Variants in DENND4A observed in about 807,000 individuals in gnomAD.
The protein encoded by DENND4A is DENN domain containing 4A, also known as C-myc promoter-binding protein.
A neutral mutation model predicts 199.3 loss-of-function variants in DENND4A; 70 were observed. That is an observed-to-expected ratio of 0.35 (90% confidence interval 0.29 to 0.43). The LOEUF is 0.43. Ranked by LOEUF, DENND4A falls within the 20% of genes least tolerant of loss-of-function variation. DENND4A has a pLI of 1.00. For missense variants in DENND4A, 1,723 were observed against 2,255.8 expected (o/e 0.76, Z 4.78); for synonymous variants, 686 against 766.9 (o/e 0.89, Z 1.74).
chr15:65,697,460 T>C (rs1054855426), intron 20 of DENND4A, 77 bp from the exon 21 acceptor site: 1 of 852,814 alleles, frequency 1.2e-6, no homozygotes, highest in Middle Eastern at 2.3e-4. Flanking sequence ...AGCAACATAC[T>C]AGTGTTTGGA....
intron 24 of DENND4A, among the ~76,000 whole-genome samples, chr15:65,676,141 A>AAT (rs57613461): frequency 0.061 from 6,761 of 110,298 alleles, 390 homozygotes; most frequent in African/African-American, 0.14. Flanking sequence ...AATAAGGAAA[A>AAT]ATATATATAT....
At chr15:65,772,557 A>C (rs1213952382) in intron 1 of DENND4A, among the ~76,000 whole-genome samples, 1 of 151,672 alleles carries the variant, frequency 6.6e-6, no homozygotes, top group Non-Finnish European at 1.5e-5. Context: ...AAATACAAAA[A>C]TTAGCTGGGC....
intron 4 of DENND4A, among the ~76,000 whole-genome samples, chr15:65,742,804 T>C (rs2076294447): frequency 6.6e-6 from 1 of 152,216 alleles, no homozygotes; most frequent in Admixed American, 6.5e-5. Flanking sequence ...CTTTCTGACT[T>C]GAATATATGC....
chr15:65,791,302 C>T (rs944295279), intron 1 of DENND4A, among the ~76,000 whole-genome samples: 6 of 152,216 alleles, frequency 3.9e-5, no homozygotes, highest in African/African-American at 1.4e-4. Context: ...AATCTTCCAG[C>T]ACATCTGTCA....
chr15:65,696,415 G>A lies in DENND4A; in HGVS notation c.3033C>T (p.Leu1011=). The change falls in exon 22 of 33, where the codon CTC becomes CTT. Residue 1011 remains leucine (L), a synonymous_variant. Coordinates refer to ENST00000443035, the MANE Select transcript of DENND4A (RefSeq NM_001320835.1). The stretch of plus-strand genomic sequence containing the variant: ...CAGCACTGTTGTTACTTGTACCAGT[G>A]AGGCGAACGATACTGGAAGAATTTT... ...SYQNSSSIVR[L]TGTSNNSAGK... is the part of the protein sequence containing the mutation. 1 of 1,612,780 alleles carries A rather than the reference G, an allele frequency of 6.2e-7. No individual in the cohort carries two copies. Among genetic ancestry groups the A allele is most frequent in the Non-Finnish European group, 8.5e-7 (1 of 1,179,122 alleles).
chr15:65,696,870 C>G (rs2077163394), intron 21 of DENND4A: 1 of 322,040 alleles, frequency 3.1e-6, no homozygotes, highest in South Asian at 3.3e-5. Context: ...TAACAAGGTT[C>G]AAGGGTGGCA....
At chr15:65,722,333 C>G (rs1010307318) in intron 12 of DENND4A, among the ~76,000 whole-genome samples, 2 of 152,096 alleles carry the variant, frequency 1.3e-5, no homozygotes, top group Non-Finnish European at 2.9e-5. Context: ...GGCGTAGTGC[C>G]TCATTGTGTC....
chr15:65,731,278 A>G (rs1456884916), intron 9 of DENND4A: 2 of 320,200 alleles, frequency 6.2e-6, no homozygotes, highest in Admixed American at 4.0e-5. Context: ...TCTTTTGGGT[A>G]AAATTTAAAA....
At chr15:65,715,396 C>T in intron 14 of DENND4A, 82 bp downstream of exon 14, 11 of 1,288,298 alleles carry the variant, frequency 8.5e-6, no homozygotes, top group Non-Finnish European at 1.1e-5. Context: ...TCATTAAAAG[C>T]TGTACATAGA....
chr15:65,673,755 A>G (rs1477962604), intron 24 of DENND4A, among the ~76,000 whole-genome samples: 5 of 152,144 alleles, frequency 3.3e-5, no homozygotes, highest in African/African-American at 1.2e-4. Context: ...CACTGGTGGT[A>G]AATGCAGTTC....
At chr15:65,685,175 A>G (rs2076723532) in intron 23 of DENND4A, among the ~76,000 whole-genome samples, 1 of 146,128 alleles carries the variant, frequency 6.8e-6, no homozygotes, top group Admixed American at 6.8e-5. Context: ...CGCCTAGGCC[A>G]GAGTGCAGTG....
chr15:65,738,667 C>T, intron 6 of DENND4A, 39 bp downstream of exon 6: 1 of 1,554,390 alleles, frequency 6.4e-7, no homozygotes, highest in Non-Finnish European at 8.7e-7. Flanking sequence ...TGAAAATGTA[C>T]AAGAAATTTG....
rs1026459137 is a variant in DENND4A, at chr15:65,666,728, A to G, written c.5241+721T>C. Among the ~76,000 whole-genome samples, 9 of 150,832 alleles carry G rather than the reference A, an allele frequency of 6.0e-5. No individual in the cohort carries two copies. In the South Asian group the frequency reaches 1.9e-3, roughly 32 times the overall value. Reference sequence around the variant, plus strand: ...CAGGGGTTAGAGGTCACAGTGAGCCATGACCACACCACTGCACTCCAGTCT... The same window carrying G: ...CAGGGGTTAGAGGTCACAGTGAGCCGTGACCACACCACTGCACTCCAGTCT... On this transcript the variant is annotated intron_variant, in intron 29 of 32. Coordinates refer to ENST00000443035, the MANE Select transcript of DENND4A (RefSeq NM_001320835.1).
At chr15:65,721,364 A>G (rs891873121) in intron 12 of DENND4A, among the ~76,000 whole-genome samples, 3 of 151,958 alleles carry the variant, frequency 2.0e-5, no homozygotes, top group African/African-American at 7.3e-5. Flanking sequence ...ATCCATGTCT[A>G]TTTCCAACTA....
intron 8 of DENND4A, among the ~76,000 whole-genome samples, 199 bp downstream of exon 8, chr15:65,732,553 G>A (rs542386853): frequency 1.1e-4 from 16 of 152,124 alleles, no homozygotes; most frequent in South Asian, 4.1e-4. Context: ...TCTTGAACCC[G>A]TTCTCTAAGA....
chr15:65,771,238 T>A, intron 1 of DENND4A: 1 of 1,602,952 alleles, frequency 6.2e-7, no homozygotes, highest in South Asian at 1.1e-5. Context: ...TCAAGGCATC[T>A]GACTTCCTTC....
chr15:65,767,360 T>C (rs1019871766), intron 1 of DENND4A: 1 of 152,218 alleles, frequency 6.6e-6, no homozygotes, highest in African/African-American at 2.4e-5. Context: ...AGGGTACAGA[T>C]TTTTCTGTTT....
At chr15:65,697,939 T>G (rs2077205474) in intron 20 of DENND4A, among the ~76,000 whole-genome samples, 1 of 152,014 alleles carries the variant, frequency 6.6e-6, no homozygotes, top group African/African-American at 2.4e-5. Context: ...AAAAATCTAG[T>G]GTTGAAGATA....
At chr15:65,785,910 T>A (rs1170514421) in intron 1 of DENND4A, among the ~76,000 whole-genome samples, 1 of 152,086 alleles carries the variant, frequency 6.6e-6, no homozygotes, top group Non-Finnish European at 1.5e-5. Flanking sequence ...TTTGTAACTA[T>A]CCTGAAAATA....
Sources: allele counts gnomAD v4.1 joint callset (sites outside exome capture counted in the v4.1 genomes callset), GRCh38; gene constraint gnomAD v4.1.1; transcripts MANE v1.5; gene names NCBI Gene and HGNC (gene_info 2026-07-23, HGNC 2026-07-21).